Variants in CHN2 observed in about 807,000 individuals in gnomAD.
CHN2 encodes the protein chimerin 2.
In CHN2, 35 loss-of-function variants were observed where a neutral mutation model predicts 56.3. The observed-to-expected ratio is 0.62, with a 90% CI of 0.47 to 0.82. The LOEUF (loss-of-function observed/expected upper bound fraction) is 0.82, where lower values mean the gene tolerates loss of function less well. Ranked by LOEUF, CHN2 falls within the 40% of genes least tolerant of loss-of-function variation. CHN2 has a pLI of 0.00. For missense variants in CHN2, 491 were observed against 580.5 expected, an observed-to-expected ratio of 0.85 and a Z score of 1.58; for synonymous variants, 210 against 212.8, an observed-to-expected ratio of 0.99 and a Z score of 0.12.
chr7:29,163,145 A>T (rs1795419141), intron 2 of CHN2, among the ~76,000 whole-genome samples: 1 of 152,168 alleles, frequency 6.6e-6, no homozygotes, highest in Non-Finnish European at 1.5e-5. Context: ...TAAAAATTAA[A>T]AAAAGATACT....
At chr7:29,207,407 G>A (rs1326490039) in intron 1 of CHN2, among the ~76,000 whole-genome samples, 1 of 152,052 alleles carries the variant, frequency 6.6e-6, no homozygotes, top group African/African-American at 2.4e-5. Context: ...TCTAGGGCTG[G>A]TTAGTTCAGC....
intron 1 of CHN2, among the ~76,000 whole-genome samples, chr7:29,298,877 A>C (rs1311616120): frequency 1.3e-5 from 2 of 150,044 alleles, no homozygotes; most frequent in African/African-American, 5.1e-5. Context: ...TTTTTGTTAA[A>C]AAAAAAATTA....
chr7:29,222,553 G>A (rs76968230), intron 1 of CHN2, among the ~76,000 whole-genome samples: 3,296 of 152,118 alleles, frequency 0.022, 128 homozygotes, highest in African/African-American at 0.075. Flanking sequence ...TAAATCCAAT[G>A]AGAGATGTTC....
intron 1 of CHN2, among the ~76,000 whole-genome samples, chr7:29,230,488 G>A (rs964079799): frequency 1.3e-5 from 2 of 151,984 alleles, no homozygotes; most frequent in Non-Finnish European, 2.9e-5. Context: ...CTACAGGCAT[G>A]TGCCACCACG....
intron 4 of CHN2, among the ~76,000 whole-genome samples, chr7:29,396,335 T>C (rs982064442): frequency 1.3e-5 from 2 of 151,920 alleles, no homozygotes; most frequent in African/African-American, 2.4e-5. Context: ...GGTGTGCCTG[T>C]AGTCCCAGCT....
intron 1 of CHN2, among the ~76,000 whole-genome samples, chr7:29,219,072 A>T (rs1442732198): frequency 6.6e-6 from 1 of 152,224 alleles, no homozygotes; most frequent in African/African-American, 2.4e-5. Flanking sequence ...AGTGCGTATT[A>T]TAAATCCTGA....
intron 2 of CHN2, among the ~76,000 whole-genome samples, chr7:29,169,189 T>A (rs1038621370): frequency 6.6e-6 from 1 of 152,190 alleles, no homozygotes; most frequent in African/African-American, 2.4e-5. Context: ...TCAGTACTGT[T>A]TTTGAAAGGC....
intron 2 of CHN2, among the ~76,000 whole-genome samples, chr7:29,152,724 G>A (rs1190838260): frequency 8.5e-5 from 13 of 152,322 alleles, no homozygotes; most frequent in African/African-American, 2.2e-4. Flanking sequence ...GCTCTGAGAC[G>A]GTTGGAAGAG....
At chr7:29,330,648 A>G (rs1421446934) in intron 1 of CHN2, among the ~76,000 whole-genome samples, 1 of 152,236 alleles carries the variant, frequency 6.6e-6, no homozygotes, top group South Asian at 2.1e-4. Context: ...TGAAATTCTT[A>G]GAAATCCCAT....
chr7:29,416,898 C>T (rs1803809925), intron 6 of CHN2, among the ~76,000 whole-genome samples: 1 of 152,096 alleles, frequency 6.6e-6, no homozygotes, highest in African/African-American at 2.4e-5. Context: ...GACATTTCCT[C>T]CCATTGTGGA....
intron 1 of CHN2, among the ~76,000 whole-genome samples, chr7:29,316,650 A>T (rs777677109): frequency 1.3e-5 from 2 of 152,222 alleles, no homozygotes; most frequent in Non-Finnish European, 2.9e-5. Flanking sequence ...TTTCAGGTAG[A>T]GTTGAATGTA....
At chr7:29,210,833 G>T (rs928879282) in intron 1 of CHN2, among the ~76,000 whole-genome samples, 4 of 152,082 alleles carry the variant, frequency 2.6e-5, no homozygotes, top group Admixed American at 2.0e-4. Context: ...ATTCCAGACA[G>T]AAGGAACCGC....
At chr7:29,288,518 TTTTTTTCCCCCCA>T (rs1376758384) in intron 1 of CHN2, among the ~76,000 whole-genome samples, 1 of 152,160 alleles carries the variant, frequency 6.6e-6, no homozygotes, top group Non-Finnish European at 1.5e-5. Flanking sequence ...TTGTTTACTC[TTTTTTTCCCCCCA>T]TTTTCTTCTG....
Position 29,500,623 on chromosome 7 carries a change from C to G in CHN2, c.913+583C>G, listed in dbSNP as rs143672200. Among the ~76,000 whole-genome samples the G allele has an allele frequency of 3.3e-5, 5 of 151,978 alleles. No individual in the cohort carries two copies. The East Asian group carries it at 7.8e-4, about 24-fold the overall frequency. On this transcript the variant is annotated intron_variant, in intron 9 of 12. Coordinates refer to ENST00000222792, the MANE Select transcript of CHN2 (RefSeq NM_004067.4). ...CCGTGTTCAGGGTACCATGGAGTCA[C>G]AAAGCAAAATGTTTTAATCCTATTT...
chr7:29,359,369 T>C lies in CHN2; in HGVS notation c.88+4706T>C, dbSNP rs151170906. 4.1e-3 allele frequency among the ~76,000 whole-genome samples: 626 copies of C among 152,324 alleles called. 3 individuals are homozygous for C. Among genetic ancestry groups the C allele is most frequent in the African/African-American group, 0.012 (505 of 41,574 alleles). On this transcript the variant is annotated intron_variant, in intron 2 of 12. Transcript: ENST00000222792. Reference sequence around the variant, plus strand: ...CTCTCTCAATATTTTATATAAATTATAGTGTTCATTAATTTAGTCACTCCT... The same window carrying C: ...CTCTCTCAATATTTTATATAAATTACAGTGTTCATTAATTTAGTCACTCCT...
At chr7:29,332,122 G>C (rs1370234789) in intron 1 of CHN2, among the ~76,000 whole-genome samples, 1 of 152,092 alleles carries the variant, frequency 6.6e-6, no homozygotes, top group African/African-American at 2.4e-5. Context: ...ATCCAAAGGA[G>C]AAAATAAACA....
chr7:29,152,406 G>C (rs1793717592), intron 2 of CHN2, among the ~76,000 whole-genome samples: 1 of 152,108 alleles, frequency 6.6e-6, no homozygotes, highest in Admixed American at 6.5e-5. Flanking sequence ...AGGTCTCTTT[G>C]TTCTCTATTC....
At chr7:29,420,634 C>T (rs993220740) in intron 6 of CHN2, among the ~76,000 whole-genome samples, 5 of 152,120 alleles carry the variant, frequency 3.3e-5, no homozygotes, top group Admixed American at 1.3e-4. Context: ...GAATGGTTGT[C>T]AAGGGCTGAG....
intron 6 of CHN2, chr7:29,479,875 TC>T: frequency 7.2e-7 from 1 of 1,388,036 alleles, no homozygotes; most frequent in Non-Finnish European, 9.3e-7. Flanking sequence ...TTGCTATTGT[TC>T]CAGGCGCACG....
Sources: allele counts gnomAD v4.1 joint callset (sites outside exome capture counted in the v4.1 genomes callset), GRCh38; gene constraint gnomAD v4.1.1; transcripts MANE v1.5; gene names NCBI Gene and HGNC (gene_info 2026-07-23, HGNC 2026-07-21).